Variants in GLE1 observed in about 807,000 individuals in gnomAD.
The protein encoded by GLE1 is GLE1 RNA export mediator, also known as mRNA export factor GLE1.
A neutral mutation model predicts 97.3 loss-of-function variants in GLE1; 78 were observed. The observed-to-expected ratio is 0.80, with a 90% CI of 0.67 to 0.97. The LOEUF is 0.97. Among genes scored for constraint, GLE1 ranks in the 50% least tolerant of loss-of-function variants. GLE1 has a pLI of 0.00. For synonymous variants in GLE1, 302 were observed against 313.4 expected, an observed-to-expected ratio of 0.96 and a Z score of 0.39; for missense variants, 753 against 857.5, an observed-to-expected ratio of 0.88 and a Z score of 1.52.
intron 9 of GLE1, 59 bp from the exon 10 acceptor site, chr9:128,533,445 AAAAAAAAGG>A: frequency 8.9e-7 from 1 of 1,126,852 alleles, no homozygotes; most frequent in Non-Finnish European, 1.3e-6. Context: ...AAAAAAAAAA[AAAAAAAAGG>A]AAAAGAAAAA....
intron 2 of GLE1, among the ~76,000 whole-genome samples, chr9:128,512,880 C>T (rs1846865834): frequency 6.6e-6 from 1 of 152,034 alleles, no homozygotes; most frequent in African/African-American, 2.4e-5. Flanking sequence ...GCTAGGTGAC[C>T]TCAGGTGATC....
At chr9:128,510,830 GTTTTT>G (rs370393212) in intron 2 of GLE1, among the ~76,000 whole-genome samples, 7 of 127,476 alleles carry the variant, frequency 5.5e-5, no homozygotes, top group African/African-American at 1.4e-4. Context: ...TGCCTGGCCA[GTTTTT>G]TTTTTTTTTT....
In GLE1 at chr9:128,524,540, C is replaced by CTTT. The variant is rs71381767; in HGVS notation, c.898-625_898-623dup. Among the ~76,000 whole-genome samples the CTTT allele has an allele frequency of 1.5e-3, 59 of 39,650 alleles. 11 individuals carry two copies. The highest frequency in any genetic ancestry group is 8.2e-3 in the East Asian group (10 of 1,216). 26.0% of individuals were successfully genotyped at this position (39,650 alleles called of 152,430 possible). ...GTACCTGCCCTGTTTCTTTGCTTTG[C>CTTT]TTTTTTTTTTTTTTTTTTTTTTTTT... On this transcript the variant is annotated intron_variant, in intron 6 of 15. Transcript: ENST00000309971.
intron 12 of GLE1, among the ~76,000 whole-genome samples, chr9:128,537,321 T>G (rs1357920693): frequency 1.3e-5 from 2 of 150,872 alleles, no homozygotes; most frequent in Non-Finnish European, 3.0e-5. Context: ...GGCATGGTGG[T>G]GGGCACCTGT....
chr9:128,508,907 A>G lies in GLE1; in HGVS notation c.131A>G (p.Lys44Arg), dbSNP rs755731392. The change falls in exon 2 of 16, where the codon AAG becomes AGG. Residue 44 changes from lysine (K) to arginine (R), a missense_variant. Transcript: ENST00000309971. ...TTAGAAGAATGTATGTCTCTTCCCA[A>G]GCTATCTTCTTATTCTGGATGGGTG... ...DVLEECMSLPKLSSYSGWVVE... is the reference protein window; with the variant it reads ...DVLEECMSLPRLSSYSGWVVE... 6.2e-7 allele frequency: 1 copy of G among 1,608,864 alleles called. No individual in the cohort carries two copies. Among genetic ancestry groups the G allele is most frequent in the Non-Finnish European group, 8.5e-7 (1 of 1,175,276 alleles).
At chr9:128,525,741 A>G (rs1461975768) in intron 7 of GLE1, among the ~76,000 whole-genome samples, 1 of 152,094 alleles carries the variant, frequency 6.6e-6, no homozygotes, top group Non-Finnish European at 1.5e-5. Flanking sequence ...CCTGGCCAAC[A>G]TGCCGAAACT....
Position 128,523,691 on chromosome 9 carries a change from C to G in GLE1, c.742C>G (p.Leu248Val). 1.2e-6 allele frequency: 2 copies of G among 1,614,058 alleles called. No individual in the cohort carries two copies. Among genetic ancestry groups the G allele is most frequent in the Non-Finnish European group, 1.7e-6 (2 of 1,179,986 alleles). ...KEEGQIRLRA[L>V]YALQEEMLQL... is the part of the protein sequence containing the mutation. ...AGAAGGCCAGATCCGCCTGCGGGCC[C>G]TCTATGCTCTGCAGGAGGAGATGCT... Residue 248 changes from leucine to valine, a missense_variant, in exon 6 of 16, where the codon CTC becomes GTC. Coordinates refer to ENST00000309971, the MANE Select transcript of GLE1 (RefSeq NM_001003722.2).
At chr9:128,528,306 CTTT>C (rs1405724848) in intron 9 of GLE1, among the ~76,000 whole-genome samples, 2 of 130,566 alleles carry the variant, frequency 1.5e-5, no homozygotes. Context: ...GCCCAGCCCC[CTTT>C]TTTTTTTTTT....
chr9:128,510,206 C>T (rs903361334), intron 2 of GLE1, among the ~76,000 whole-genome samples: 2 of 151,710 alleles, frequency 1.3e-5, no homozygotes, highest in Admixed American at 6.6e-5. Context: ...TGCGTGTGGA[C>T]ACCACCATAC....
chr9:128,517,682 C>A (rs1847026827), intron 3 of GLE1, among the ~76,000 whole-genome samples: 1 of 151,762 alleles, frequency 6.6e-6, no homozygotes, highest in African/African-American at 2.4e-5. Flanking sequence ...ATGTCCTATT[C>A]TTTCTTTCAT....
At chr9:128,539,899 A>C in intron 14 of GLE1, 2 of 1,456,590 alleles carry the variant, frequency 1.4e-6, no homozygotes, top group Non-Finnish European at 1.8e-6. Flanking sequence ...CTTAAATATC[A>C]TTGCCCAAAC....
intron 4 of GLE1, 91 bp downstream of exon 4, chr9:128,522,907 C>A: frequency 7.1e-7 from 1 of 1,398,850 alleles, no homozygotes; most frequent in Non-Finnish European, 1.0e-6. Flanking sequence ...AGTTGAACAA[C>A]TTCTGAGTCC....
Position 128,532,404 on chromosome 9 carries a change from T to TTATTCC in GLE1, c.1313-1107_1313-1106insTTCCTA, listed in dbSNP as rs1847546712. 2.0e-5 allele frequency among the ~76,000 whole-genome samples: 3 copies of TTATTCC among 151,740 alleles called. No homozygotes were observed. In the South Asian group the frequency reaches 6.2e-4, roughly 32 times the overall value. ...CCACACCTGGCTAATTTTTGCATTTTTAGTAGAGACGAGGTATCACCATGT... is the reference window on the plus strand; with the variant it reads ...CCACACCTGGCTAATTTTTGCATTTTTATTCCTAGTAGAGACGAGGTATCACCATGT... On this transcript the variant is annotated intron_variant, in intron 9 of 15. Transcript: ENST00000309971.
chr9:128,511,924 GC>G (rs2132417164), intron 2 of GLE1, among the ~76,000 whole-genome samples: 1 of 152,076 alleles, frequency 6.6e-6, no homozygotes, highest in South Asian at 2.1e-4. Flanking sequence ...TGATTCTCCT[GC>G]CTCAGCCTCC....
intron 9 of GLE1, among the ~76,000 whole-genome samples, chr9:128,530,694 G>T (rs1024204264): frequency 6.6e-6 from 1 of 151,800 alleles, no homozygotes; most frequent in African/African-American, 2.4e-5. Context: ...CGGGTCACCA[G>T]GTCAGGAGAT....
chr9:128,529,870 G>A (rs1042044550), intron 9 of GLE1, among the ~76,000 whole-genome samples: 4 of 151,806 alleles, frequency 2.6e-5, no homozygotes. Flanking sequence ...TCCACCTCCC[G>A]GGTTCACGCC....
At chr9:128,521,059 G>C (rs956211683) in intron 3 of GLE1, among the ~76,000 whole-genome samples, 3 of 152,052 alleles carry the variant, frequency 2.0e-5, no homozygotes, top group Non-Finnish European at 4.4e-5. Context: ...AGTGCACCTG[G>C]CTATTTCTCC....
chr9:128,538,123 C>T, intron 13 of GLE1, 33 bp downstream of exon 13: 1 of 1,191,574 alleles, frequency 8.4e-7, no homozygotes, highest in South Asian at 1.2e-5. Flanking sequence ...AAGAGAAGGC[C>T]AGTGGTTGAG....
intron 9 of GLE1, among the ~76,000 whole-genome samples, chr9:128,530,038 T>C (rs1041623302): frequency 2.0e-5 from 3 of 152,226 alleles, no homozygotes; most frequent in Non-Finnish European, 4.4e-5. Context: ...CCTCATGATC[T>C]GCCCACCTCG....
Sources: gnomAD v4.1 joint callset for allele counts (sites outside exome capture counted in the v4.1 genomes callset) on GRCh38, gnomAD v4.1.1 for gene constraint, MANE v1.5 for transcripts, NCBI Gene and HGNC (gene_info 2026-07-23, HGNC 2026-07-21) for gene names.